The following DIS3L2 variants were observed in gnomAD, a reference collection of about 807,000 sequenced individuals.
DIS3L2 encodes the protein DIS3 like 3'-5' exoribonuclease 2, also known as DIS3-like exonuclease 2.
In DIS3L2, 34 loss-of-function variants were observed where a neutral mutation model predicts 97.5. The observed-to-expected ratio is 0.35, with a 90% CI of 0.27 to 0.46. The LOEUF (loss-of-function observed/expected upper bound fraction) is 0.46. Ranked by LOEUF, DIS3L2 falls within the 20% of genes least tolerant of loss-of-function variation. The probability of loss-of-function intolerance (pLI) is 1.00; values close to 1 mark genes in which losing one functional copy is unlikely to be tolerated. For missense variants in DIS3L2, 1,038 were observed against 1,146.0 expected (o/e 0.91, Z 1.36); for synonymous variants, 435 against 445.2 (o/e 0.98, Z 0.29).
chr2:232,163,190 C>A (rs1690704583), intron 8 of DIS3L2, among the ~76,000 whole-genome samples: 1 of 151,802 alleles, frequency 6.6e-6, no homozygotes, highest in African/African-American at 2.4e-5. Context: ...TTGGAGGGGT[C>A]CTAAGGAAAG....
Position 232,096,321 on chromosome 2 carries a change from C to T in DIS3L2, c.601+8600C>T, listed in dbSNP as rs548712504. 4.6e-5 allele frequency among the ~76,000 whole-genome samples: 7 copies of T among 151,464 alleles called. No homozygotes were observed. The South Asian group carries it at 8.3e-4, about 18-fold the overall frequency. On this transcript the variant is annotated intron_variant, in intron 6 of 20. Transcript: ENST00000325385. The stretch of plus-strand genomic sequence containing the variant: ...CAGGATGGTCTTGATCTCCTGACCT[C>T]GTGATCTGCCCACCTCGGCCTCCCA...
intron 12 of DIS3L2, among the ~76,000 whole-genome samples, chr2:232,258,559 GGTGACAGAGTGACAGA>G (rs554856498): frequency 6.8e-6 from 1 of 147,400 alleles, no homozygotes; most frequent in Non-Finnish European, 1.5e-5. Flanking sequence ...ACTCCAACCT[GGTGACAGAGTGACAGA>G]GTGACAGAGC....
chr2:232,296,116 C>T (rs1472605487), intron 13 of DIS3L2, among the ~76,000 whole-genome samples: 2 of 152,228 alleles, frequency 1.3e-5, no homozygotes, highest in Admixed American at 1.3e-4. Context: ...TCAGATTGAA[C>T]TCAAACTCTT....
chr2:232,222,646 T>C (rs1053284257), intron 10 of DIS3L2, among the ~76,000 whole-genome samples: 2 of 152,086 alleles, frequency 1.3e-5, no homozygotes, highest in Admixed American at 6.5e-5. Flanking sequence ...AATTTTTGTA[T>C]TTTTACAACA....
At chr2:232,305,274 C>T (rs986193967) in intron 14 of DIS3L2, among the ~76,000 whole-genome samples, 7 of 152,000 alleles carry the variant, frequency 4.6e-5, no homozygotes, top group Non-Finnish European at 8.8e-5. Flanking sequence ...GATGGGATTT[C>T]GCCATGTTGG....
At chr2:232,202,232 T>C (rs3116199) in intron 9 of DIS3L2, among the ~76,000 whole-genome samples, 19,297 of 152,234 alleles carry the variant, frequency 0.13, 1,682 homozygotes, top group South Asian at 0.36. Flanking sequence ...ACCCCATCTC[T>C]ACTAAAAATG....
intron 15 of DIS3L2, 63 bp from the exon 16 acceptor site, chr2:232,330,627 G>C (rs1406515970): frequency 1.5e-5 from 23 of 1,546,458 alleles, no homozygotes; most frequent in Non-Finnish European, 2.0e-5. Flanking sequence ...GCGGATGACA[G>C]GGCCCAGAGT....
chr2:232,329,787 C>CGGGGGG, intron 14 of DIS3L2, 26 bp from the exon 15 acceptor site: 1 of 1,062,210 alleles, frequency 9.4e-7, no homozygotes, highest in Non-Finnish European at 1.3e-6. Flanking sequence ...CCCAGCGGTC[C>CGGGGGG]CTCCCATCCC....
downstream of DIS3L2, among the ~76,000 whole-genome samples, chr2:232,338,165 C>T (rs1459555703): frequency 1.3e-5 from 2 of 152,098 alleles, no homozygotes; most frequent in African/African-American, 4.8e-5. Flanking sequence ...AGGACCAGGG[C>T]CCTTCCCCTC....
intron 8 of DIS3L2, among the ~76,000 whole-genome samples, chr2:232,148,264 G>A (rs1178506411): frequency 6.6e-6 from 1 of 152,026 alleles, no homozygotes; most frequent in Non-Finnish European, 1.5e-5. Flanking sequence ...GGCCAGGATA[G>A]TCTCGATCTC....
Position 232,089,140 on chromosome 2 carries a change from G to A in DIS3L2, c.601+1419G>A, listed in dbSNP as rs1559617191. Among the ~76,000 whole-genome samples the A allele has an allele frequency of 2.6e-5, 4 of 152,232 alleles. No individual in the cohort carries two copies. The South Asian group carries it at 6.2e-4, about 24-fold the overall frequency. ...GATGACTGCTTTTCTCCATTGCTGA[G>A]GAGGTAGTGATCTGTGAAAGAAAGC... On this transcript the variant is annotated intron_variant, in intron 6 of 20. Coordinates refer to ENST00000325385, the MANE Select transcript of DIS3L2 (RefSeq NM_152383.5).
At chr2:232,098,730 G>A (rs909809595) in intron 6 of DIS3L2, among the ~76,000 whole-genome samples, 3 of 151,946 alleles carry the variant, frequency 2.0e-5, no homozygotes, top group African/African-American at 7.3e-5. Flanking sequence ...TTTTCCATCA[G>A]GGTGACTGTT....
At chr2:232,200,438 C>T (rs1168440514) in intron 9 of DIS3L2, among the ~76,000 whole-genome samples, 6 of 152,172 alleles carry the variant, frequency 3.9e-5, no homozygotes, top group African/African-American at 1.4e-4. Flanking sequence ...AATTATAAAC[C>T]TGGGGCAGGG....
chr2:232,084,423 G>A (rs1303265596), intron 5 of DIS3L2, among the ~76,000 whole-genome samples: 1 of 152,100 alleles, frequency 6.6e-6, no homozygotes, highest in Admixed American at 6.5e-5. Context: ...ATGCTTCACT[G>A]AGCATATCTT....
chr2:232,002,281 A>C (rs1180391375), intron 1 of DIS3L2, among the ~76,000 whole-genome samples: 1 of 152,014 alleles, frequency 6.6e-6, no homozygotes, highest in Non-Finnish European at 1.5e-5. Context: ...TGTAGGCTAT[A>C]TTTTGAGATC....
At chr2:232,075,293 G>A (rs1055460796) in intron 5 of DIS3L2, among the ~76,000 whole-genome samples, 1 of 152,140 alleles carries the variant, frequency 6.6e-6, no homozygotes, top group African/African-American at 2.4e-5. Flanking sequence ...GTCATTGGGT[G>A]GATCCAATCA....
chr2:232,163,793 T>C (rs1200471355), intron 9 of DIS3L2, among the ~76,000 whole-genome samples, 161 bp downstream of exon 9: 1 of 152,246 alleles, frequency 6.6e-6, no homozygotes, highest in East Asian at 1.9e-4. Context: ...GCCCACAGGC[T>C]AAATCTAGCC....
intron 9 of DIS3L2, among the ~76,000 whole-genome samples, chr2:232,164,502 CTT>C (rs1355467180): frequency 2.6e-5 from 4 of 152,202 alleles, no homozygotes. Context: ...ATGTCAAAGT[CTT>C]TTCCACCACA....
At chr2:232,220,737 G>A (rs190601858) in intron 10 of DIS3L2, among the ~76,000 whole-genome samples, 2 of 152,068 alleles carry the variant, frequency 1.3e-5, no homozygotes, top group East Asian at 3.9e-4. Flanking sequence ...AAATTTGATA[G>A]TATAAAAATC....
Sources: gnomAD v4.1 joint callset for allele counts (sites outside exome capture counted in the v4.1 genomes callset) on GRCh38, gnomAD v4.1.1 for gene constraint, MANE v1.5 for transcripts, NCBI Gene and HGNC (gene_info 2026-07-23, HGNC 2026-07-21) for gene names.